CFAP299: variants seen among roughly 807,000 people sequenced by gnomAD.
CFAP299 encodes cilia and flagella associated protein 299.
In CFAP299, 21 loss-of-function variants were observed where a neutral mutation model predicts 27.0. The ratio of observed to expected loss-of-function variants is 0.78; its 90% CI spans 0.55 to 1.12. CFAP299 has a LOEUF of 1.12. Among genes scored for constraint, CFAP299 ranks in the 50% most tolerant of loss-of-function variants. The pLI is 0.00. For missense variants in CFAP299, 310 were observed against 276.6 expected (o/e 1.12, Z -0.86); for synonymous variants, 104 against 98.1 (o/e 1.06, Z -0.36).
chr4:80,671,470 A>G (rs1741478610), intron 3 of CFAP299, among the ~76,000 whole-genome samples: 3 of 152,142 alleles, frequency 2.0e-5, no homozygotes, highest in Admixed American at 2.0e-4. Context: ...TCGTCTTGGC[A>G]ATGCGGGCTC....
intron 4 of CFAP299, among the ~76,000 whole-genome samples, chr4:80,914,203 CTA>C (rs1192254917): frequency 2.6e-5 from 4 of 152,076 alleles, no homozygotes; most frequent in Non-Finnish European, 5.9e-5. Flanking sequence ...GGTTAAATAT[CTA>C]TTAGTAGGAT....
At chr4:80,811,142 C>A (rs1729133179) in intron 3 of CFAP299, among the ~76,000 whole-genome samples, 2 of 152,068 alleles carry the variant, frequency 1.3e-5, no homozygotes, top group Admixed American at 6.6e-5. Context: ...TAAATCACAA[C>A]AACCTTTTAC....
chr4:80,858,244 G>A (rs536627899), intron 3 of CFAP299, among the ~76,000 whole-genome samples: 16 of 151,820 alleles, frequency 1.1e-4, no homozygotes, highest in African/African-American at 1.9e-4. Flanking sequence ...CTGTGGGATC[G>A]GTGGTGATAT....
At chr4:80,573,679 A>G (rs1735705621) in intron 2 of CFAP299, among the ~76,000 whole-genome samples, 1 of 152,068 alleles carries the variant, frequency 6.6e-6, no homozygotes, top group Non-Finnish European at 1.5e-5. Flanking sequence ...TCTTCTGTAT[A>G]TGGATATTCA....
At chr4:80,627,366 A>G (rs759703712) in intron 3 of CFAP299, among the ~76,000 whole-genome samples, 1 of 152,032 alleles carries the variant, frequency 6.6e-6, no homozygotes, top group Admixed American at 6.6e-5. Context: ...GAAGCTATAT[A>G]TGATAAACCC....
At chr4:80,782,670 TA>T (rs1357910550) in intron 3 of CFAP299, among the ~76,000 whole-genome samples, 4 of 127,760 alleles carry the variant, frequency 3.1e-5, no homozygotes, top group African/African-American at 1.1e-4. Context: ...TATTCATATA[TA>T]ATATACATAT....
At chr4:80,849,624 A>C (rs1158265687) in intron 3 of CFAP299, among the ~76,000 whole-genome samples, 1 of 152,106 alleles carries the variant, frequency 6.6e-6, no homozygotes. Flanking sequence ...ATAGAAAATC[A>C]AGAGAGTAAG....
chr4:80,708,005 A>G (rs992292130), intron 3 of CFAP299, among the ~76,000 whole-genome samples: 3 of 152,096 alleles, frequency 2.0e-5, no homozygotes, highest in African/African-American at 7.2e-5. Context: ...ATTCTCAACC[A>G]TGAGGAACAA....
chr4:80,401,279 G>T (rs561516893), intron 2 of CFAP299, among the ~76,000 whole-genome samples: 2 of 152,200 alleles, frequency 1.3e-5, no homozygotes, highest in African/African-American at 2.4e-5. Context: ...CCGTGGGGAA[G>T]ATGTCTCCAG....
chr4:80,630,687 A>C (rs946054436), intron 3 of CFAP299, among the ~76,000 whole-genome samples: 3 of 152,094 alleles, frequency 2.0e-5, no homozygotes, highest in Non-Finnish European at 4.4e-5. Flanking sequence ...GGATTAAAGT[A>C]TTTTATTCAT....
intron 3 of CFAP299, among the ~76,000 whole-genome samples, chr4:80,683,009 T>C (rs539987985): frequency 1.3e-5 from 2 of 152,336 alleles, no homozygotes; most frequent in African/African-American, 4.8e-5. Flanking sequence ...CATTGATTAA[T>C]TGATCATGTA....
At chr4:80,863,037 A>C (rs1418224917) in intron 3 of CFAP299, among the ~76,000 whole-genome samples, 2 of 152,140 alleles carry the variant, frequency 1.3e-5, no homozygotes, top group East Asian at 3.9e-4. Flanking sequence ...CGCATTCAAG[A>C]GATTTAAAAT....
intron 2 of CFAP299, among the ~76,000 whole-genome samples, chr4:80,440,477 G>C (rs1412122047): frequency 6.6e-6 from 1 of 152,168 alleles, no homozygotes; most frequent in Non-Finnish European, 1.5e-5. Flanking sequence ...CTGATAGAAG[G>C]AAAGCTAACA....
chr4:80,766,487 T>C (rs1449930510), intron 3 of CFAP299, among the ~76,000 whole-genome samples: 2 of 152,206 alleles, frequency 1.3e-5, no homozygotes, highest in African/African-American at 2.4e-5. Context: ...ATTTATGAGA[T>C]AGCTGCGAAT....
intron 4 of CFAP299, among the ~76,000 whole-genome samples, chr4:80,900,105 G>A (rs1734810113): frequency 7.2e-6 from 1 of 139,696 alleles, no homozygotes; most frequent in African/African-American, 2.6e-5. Context: ...GAAAATAAAT[G>A]ACATAAAAGT....
intron 2 of CFAP299, among the ~76,000 whole-genome samples, chr4:80,384,053 T>C (rs1724847351): frequency 6.6e-6 from 1 of 152,182 alleles, no homozygotes; most frequent in Admixed American, 6.5e-5. Context: ...GCTTGGCTTT[T>C]ACTTTCATTC....
chr4:80,897,168 T>C (rs1166042692), intron 4 of CFAP299, among the ~76,000 whole-genome samples: 4 of 152,132 alleles, frequency 2.6e-5, no homozygotes, highest in African/African-American at 9.7e-5. Context: ...ATAAGACACA[T>C]AGAAAAACAG....
chr4:80,860,373 GT>G (rs1445278097), intron 3 of CFAP299, among the ~76,000 whole-genome samples: 1 of 151,720 alleles, frequency 6.6e-6, no homozygotes, highest in Non-Finnish European at 1.5e-5. Context: ...CCTGTAGCTC[GT>G]AGTTTGATTG....
chr4:80,420,809 A>G (rs991723360), intron 2 of CFAP299, among the ~76,000 whole-genome samples: 2 of 151,934 alleles, frequency 1.3e-5, no homozygotes, highest in Non-Finnish European at 2.9e-5. Context: ...TGGTTTCGCT[A>G]CTCTCTAGCT....
Sources: allele counts gnomAD v4.1 joint callset (sites outside exome capture counted in the v4.1 genomes callset), GRCh38; gene constraint gnomAD v4.1.1; transcripts MANE v1.5; gene names NCBI Gene and HGNC (gene_info 2026-07-23, HGNC 2026-07-21).